CIT: variants seen among roughly 807,000 people sequenced by gnomAD.
CIT encodes citron Rho-interacting kinase.
CIT carries 79 observed loss-of-function variants against 272.7 expected under a neutral mutation model. That is an observed-to-expected ratio of 0.29 (90% CI 0.24 to 0.35). The LOEUF (loss-of-function observed/expected upper bound fraction) is 0.35. Ranked by LOEUF, CIT falls within the 10% of genes least tolerant of loss-of-function variation. The probability of loss-of-function intolerance (pLI) is 1.00; values close to 1 mark genes in which losing one functional copy is unlikely to be tolerated. For synonymous variants in CIT, 948 were observed against 995.6 expected (o/e 0.95, Z 0.90); for missense variants, 1,909 against 2,618.3 (o/e 0.73, Z 5.91).
chr12:119,725,125 T>G (rs1958020027), intron 28 of CIT, among the ~76,000 whole-genome samples: 1 of 151,968 alleles, frequency 6.6e-6, no homozygotes, highest in African/African-American at 2.4e-5. Context: ...CTGGCTCCAT[T>G]TAAAAGTCTC....
intron 13 of CIT, among the ~76,000 whole-genome samples, chr12:119,780,106 G>A (rs1453799184): frequency 2.0e-5 from 3 of 152,132 alleles, no homozygotes; most frequent in African/African-American, 7.2e-5. Flanking sequence ...GAAGGATCAG[G>A]TATGATGCAA....
At position 119,701,636 on chromosome 12, in the gene CIT, G is replaced by A. The variant is rs1211172291; in HGVS notation, c.5530C>T (p.Leu1844=). The A allele has an allele frequency of 1.2e-6, 2 of 1,613,912 alleles. No homozygotes were observed. Among genetic ancestry groups the A allele is most frequent in the African/African-American group, 1.3e-5 (1 of 74,936 alleles). The stretch of plus-strand genomic sequence containing the variant: ...AGCCACGACTCACCGTGGAAACACA[G>A]CAAGTACTCCTCTCGCTGCCCTGCG... ...NSAGQREEYL[L]CFHEFGVFVD... is the part of the protein sequence containing the mutation. The change falls in exon 43 of 48, where the codon CTG becomes TTG. Residue 1844 remains leucine (L), a synonymous_variant. Transcript: ENST00000392521.
rs748168004 is a variant in CIT at position 119,857,547 on chromosome 12, C to T, written c.390G>A (p.Lys130=). 9.9e-6 allele frequency: 16 copies of T among 1,614,060 alleles called. No individual in the cohort carries two copies. In the East Asian group the frequency reaches 3.3e-4, roughly 34 times the overall value. ...CCTGCTCCTGGGCCAATAAAGCCTT[C>T]TTCTTCATCACTTTCATAGCATAGA... The part of the protein sequence containing the change: ...GDIYAMKVMK[K]KALLAQEQVS... Residue 130 remains lysine (K), a synonymous_variant, in exon 4 of 48, where the codon AAG becomes AAA. Coordinates refer to ENST00000392521, the MANE Select transcript of CIT (RefSeq NM_001206999.2).
Position 119,718,149 on chromosome 12 carries a change from T to G in CIT, c.4168+96A>C, listed in dbSNP as rs766361353. Reference sequence around the variant, plus strand: ...GCCACCGTGCCTGGCCAAGACTGACTTTTTAATCTTTAACCCCTAGTATTA... The same window carrying G: ...GCCACCGTGCCTGGCCAAGACTGACGTTTTAATCTTTAACCCCTAGTATTA... On this transcript the variant is annotated intron_variant, in intron 32 of 47. Transcript: ENST00000392521. This position sits in a 1 kb window ranked among gnomAD's most constrained non-coding sequence, Gnocchi z 4.8. 32 of 1,410,110 alleles carry G rather than the reference T, an allele frequency of 2.3e-5. No individual in the cohort carries two copies. Among genetic ancestry groups the G allele is most frequent in the Non-Finnish European group, 3.0e-5 (32 of 1,054,788 alleles). The allele number at this position is 1,410,110 out of a possible 1,614,324, so 87.3% of individuals were successfully genotyped here.
intron 18 of CIT, among the ~76,000 whole-genome samples, chr12:119,767,912 CT>C (rs746988178): frequency 0.018 from 2,488 of 136,084 alleles, 38 homozygotes; most frequent in African/African-American, 0.047. Flanking sequence ...AAGTTTCCAG[CT>C]TTTTTTTTTT....
intron 10 of CIT, among the ~76,000 whole-genome samples, chr12:119,798,069 G>C (rs1385404765): frequency 6.6e-6 from 1 of 152,100 alleles, no homozygotes; most frequent in East Asian, 1.9e-4. Context: ...GAGTATATAC[G>C]CGTGGGTTTA....
intron 17 of CIT, among the ~76,000 whole-genome samples, chr12:119,771,471 G>A (rs11064897): frequency 0.29 from 44,503 of 151,996 alleles, 7,082 homozygotes; most frequent in African/African-American, 0.39. Flanking sequence ...GCCAGTCTGG[G>A]CCCCAAGAGA....
intron 32 of CIT, among the ~76,000 whole-genome samples, chr12:119,717,838 C>CCTTTTTTTTTTT (rs1957598855): frequency 2.5e-5 from 2 of 81,332 alleles, no homozygotes; most frequent in Non-Finnish European, 4.5e-5. Flanking sequence ...TGACTTCTTT[C>CCTTTTTTTTTTT]TTTTTTTTTT....
In CIT at chr12:119,714,262, C is replaced by T. The variant is rs746180908; in HGVS notation, c.4241G>A (p.Arg1414Gln). The change falls in exon 33 of 48, where the codon CGA becomes CAA. Residue 1414 changes from arginine (R) to glutamine (Q), a missense_variant. Coordinates refer to ENST00000392521, the MANE Select transcript of CIT (RefSeq NM_001206999.2). ...CAGACACACAGCACACTTTGTGGCTCGCATGTTCAGTCCTACGTTGAATCG... is the reference window on the plus strand; with the variant it reads ...CAGACACACAGCACACTTTGTGGCTTGCATGTTCAGTCCTACGTTGAATCG... ...PHRFNVGLNM[R>Q]ATKCAVCLDT... The T allele has an allele frequency of 4.5e-5, 73 of 1,613,962 alleles. No individual in the cohort carries two copies. The highest frequency in any genetic ancestry group is 5.2e-5 in the Non-Finnish European group (61 of 1,180,026).
chr12:119,716,882 C>T (rs1049108263), intron 32 of CIT, among the ~76,000 whole-genome samples: 3 of 152,206 alleles, frequency 2.0e-5, no homozygotes, highest in African/African-American at 2.4e-5. Flanking sequence ...GAATTGCATG[C>T]TCACACCACG....
At chr12:119,808,552 A>T (rs1486278250) in intron 9 of CIT, among the ~76,000 whole-genome samples, 1 of 152,178 alleles carries the variant, frequency 6.6e-6, no homozygotes, top group African/African-American at 2.4e-5. Flanking sequence ...GAGCCTCGTA[A>T]AACTCCTAAG....
chr12:119,783,228 A>G (rs1023402087), intron 12 of CIT: 2 of 152,326 alleles, frequency 1.3e-5, no homozygotes, highest in African/African-American at 4.8e-5. Context: ...CAAGTCTGGA[A>G]TGGAAACATA....
At chr12:119,818,082 C>T (rs905654844) in intron 9 of CIT, among the ~76,000 whole-genome samples, 1 of 152,150 alleles carries the variant, frequency 6.6e-6, no homozygotes, top group African/African-American at 2.4e-5. Context: ...AGAGCATGGG[C>T]TTTGGAATCA....
intron 21 of CIT, 29 bp from the exon 22 acceptor site, chr12:119,757,574 A>G (rs1466652765): frequency 1.2e-6 from 2 of 1,613,692 alleles, no homozygotes; most frequent in Non-Finnish European, 1.7e-6. Context: ...GGATCCAAAC[A>G]AAATCACAGT....
At chr12:119,812,802 C>A (rs529596207) in intron 9 of CIT, among the ~76,000 whole-genome samples, 1 of 147,758 alleles carries the variant, frequency 6.8e-6, no homozygotes, top group African/African-American at 2.5e-5. Flanking sequence ...TTGGAGACAT[C>A]GCACCCGGCT....
chr12:119,713,929 G>C lies in CIT; in HGVS notation c.4306+268C>G. Reference sequence around the variant, plus strand: ...TTGCATGTTTCAGTTGGAGTCAGCGGAAAGGTAGGGAGAGACCAGCCTGAC... The same window carrying C: ...TTGCATGTTTCAGTTGGAGTCAGCGCAAAGGTAGGGAGAGACCAGCCTGAC... On this transcript the variant is annotated intron_variant, in intron 33 of 47. Coordinates refer to ENST00000392521, the MANE Select transcript of CIT (RefSeq NM_001206999.2). The surrounding 1 kb of genome is among the most constrained non-coding windows in gnomAD (Gnocchi z 5.2). 1.7e-6 allele frequency: 1 copy of C among 605,884 alleles called. No individual in the cohort carries two copies. Among genetic ancestry groups the C allele is most frequent in the Non-Finnish European group, 2.9e-6 (1 of 343,322 alleles). The allele number at this position is 605,884 out of a possible 1,614,324, so 37.5% of individuals were successfully genotyped here.
At position 119,734,215 on chromosome 12, in the gene CIT, T is replaced by C. The variant is rs748189048; in HGVS notation, c.3299A>G (p.Glu1100Gly). Residue 1100 changes from glutamate to glycine, a missense_variant, in exon 26 of 48, where the codon GAG (glutamate) becomes GGG (glycine). By Grantham distance (98) the Glu-to-Gly change is moderately conservative. Around this residue, in one of 8 missense-constraint regions of CIT, gnomAD observed 530 missense variants for 822.4 expected, o/e 0.64. Coordinates refer to ENST00000392521, the MANE Select transcript of CIT (RefSeq NM_001206999.2). Reference protein sequence around the residue: ...SVLGDEKSQFECRVRELQRML... With the variant: ...SVLGDEKSQFGCRVRELQRML... ...TCTCTGCAGCTCTCGAACCCGACACTCAAACTGGGATTTCTCATCACCCAG... is the reference window on the plus strand; with the variant it reads ...TCTCTGCAGCTCTCGAACCCGACACCCAAACTGGGATTTCTCATCACCCAG... 4 of 1,613,650 alleles carry C rather than the reference T, an allele frequency of 2.5e-6. No homozygotes were observed. Among genetic ancestry groups the C allele is most frequent in the Non-Finnish European group, 3.4e-6 (4 of 1,179,936 alleles).
At chr12:119,783,827 T>C (rs1964524451) in intron 12 of CIT, 81 bp downstream of exon 12, 2 of 1,482,408 alleles carry the variant, frequency 1.3e-6, no homozygotes, top group Non-Finnish European at 1.8e-6. Flanking sequence ...ATGTGCCTCA[T>C]GGAGCCATCA....
intron 2 of CIT, among the ~76,000 whole-genome samples, chr12:119,872,749 T>C (rs1950719441): frequency 1.3e-5 from 2 of 152,166 alleles, no homozygotes; most frequent in Admixed American, 1.3e-4. Flanking sequence ...TGTATGATCT[T>C]GGGCAAGGCC....
Sources: allele counts gnomAD v4.1 joint callset (sites outside exome capture counted in the v4.1 genomes callset), GRCh38; gene constraint gnomAD v4.1.1; regional missense constraint gnomAD v4.1.1; non-coding constraint Gnocchi (gnomAD v3.1); transcripts MANE v1.5; gene names NCBI Gene and HGNC (gene_info 2026-07-23, HGNC 2026-07-21).